LNPK: variants seen among roughly 807,000 people sequenced by gnomAD.
LNPK encodes endoplasmic reticulum junction formation protein lunapark.
Under a neutral mutation model 55.2 loss-of-function variants are expected in LNPK, and 29 were observed. That is an observed-to-expected ratio of 0.53 (90% CI 0.39 to 0.72). The LOEUF is 0.72. LNPK is among the 30% of genes least tolerant of loss of function. The pLI is 0.00. For missense variants in LNPK, 467 were observed against 494.8 expected (o/e 0.94, Z 0.53); for synonymous variants, 162 against 168.2 (o/e 0.96, Z 0.29).
chr2:175,979,490 G>A (rs1051341040), intron 5 of LNPK, among the ~76,000 whole-genome samples: 16 of 151,988 alleles, frequency 1.1e-4, no homozygotes, highest in Non-Finnish European at 2.1e-4. Flanking sequence ...CCTGGGAGGC[G>A]GAGGTTGCAG....
At position 175,947,507 on chromosome 2, in the gene LNPK, A is replaced by T. The variant is rs781121123; in HGVS notation, c.679T>A (p.Ser227Thr). 4.3e-6 allele frequency: 7 copies of T among 1,613,636 alleles called. No homozygotes were observed. In the East Asian group the frequency reaches 1.3e-4, roughly 31 times the overall value. ...ATTCCAGGCACTGAAGTAGCAGGGG[A>T]TCCAAGATGTCTTGGTAACACATTT... ...SSNVLPRHLG[S>T]PATSVPGMGL... The change falls in exon 9 of 13, where the codon TCC becomes ACC. Residue 227 changes from serine (S) to threonine (T), a missense_variant. Physicochemically the swap from Ser to Thr is moderately conservative, Grantham distance 58. Transcript: ENST00000272748.
At chr2:175,975,720 G>T (rs528200685) in intron 5 of LNPK, among the ~76,000 whole-genome samples, 1 of 152,264 alleles carries the variant, frequency 6.6e-6, no homozygotes, top group African/African-American at 2.4e-5. Context: ...TTAAGAAACT[G>T]TAAGGTCCAG....
intron 4 of LNPK, among the ~76,000 whole-genome samples, chr2:175,985,687 T>C (rs1424517400): frequency 1.3e-5 from 2 of 152,212 alleles, no homozygotes; most frequent in Non-Finnish European, 2.9e-5. Context: ...CTAAGTTTTT[T>C]CCTATAAATA....
At chr2:175,952,699 A>AC (rs928918041) in intron 8 of LNPK, among the ~76,000 whole-genome samples, 2 of 151,756 alleles carry the variant, frequency 1.3e-5, no homozygotes, top group African/African-American at 4.8e-5. Context: ...TTTTTGAAAA[A>AC]CAAAAAAAAA....
intron 1 of LNPK, among the ~76,000 whole-genome samples, chr2:175,997,935 T>G (rs1371862409): frequency 6.6e-6 from 1 of 150,528 alleles, no homozygotes; most frequent in Non-Finnish European, 1.5e-5. Flanking sequence ...GAGACAGGAA[T>G]TTCACCTCGT....
intron 4 of LNPK, among the ~76,000 whole-genome samples, chr2:175,980,401 A>G (rs975681138): frequency 1.3e-5 from 2 of 152,226 alleles, no homozygotes; most frequent in African/African-American, 4.8e-5. Context: ...CTTACCTTCA[A>G]ATAAATACTT....
At chr2:175,934,353 AAAATC>A (rs941072828) in intron 12 of LNPK, among the ~76,000 whole-genome samples, 2 of 152,206 alleles carry the variant, frequency 1.3e-5, no homozygotes, top group African/African-American at 4.8e-5. Flanking sequence ...GAGAAGGACT[AAAATC>A]ATATTATCAA....
At chr2:175,937,207 G>T in intron 12 of LNPK, 137 bp downstream of exon 12, 2 of 747,752 alleles carry the variant, frequency 2.7e-6, no homozygotes, top group Admixed American at 2.9e-5. Flanking sequence ...AGGAGGCTAT[G>T]GTAACAGAGC....
At chr2:175,964,307 T>C in intron 8 of LNPK, 65 bp downstream of exon 8, 4 of 1,356,824 alleles carry the variant, frequency 2.9e-6, no homozygotes, top group African/African-American at 1.4e-5. Flanking sequence ...CAACACACTT[T>C]TGAACTCACT....
Position 175,932,242 on chromosome 2 carries a change from A to G in LNPK, c.1055-2043T>C, listed in dbSNP as rs1684311774. On this transcript the variant is annotated intron_variant, in intron 12 of 12. Transcript: ENST00000272748. The stretch of plus-strand genomic sequence containing the variant: ...GTTACTATTTTCAAAAATAGACTTT[A>G]CTAGTCAAAGCCGATTTAATGTACA... 5 of 450,280 alleles carry G rather than the reference A, an allele frequency of 1.1e-5. No individual in the cohort carries two copies. The Admixed American group carries it at 1.2e-4, about 11-fold the overall frequency. The allele number at this position is 450,280 out of a possible 1,614,324, so 27.9% of individuals were successfully genotyped here.
Position 175,937,392 on chromosome 2 carries a change from G to T in LNPK, c.1006C>A (p.Pro336Thr), listed in dbSNP as rs201325808. The change falls in exon 12 of 13, where the codon CCC (proline) becomes ACC (threonine). Residue 336 changes from proline to threonine, a missense_variant. By Grantham distance (38) the Pro-to-Thr change is conservative. Transcript: ENST00000272748. ...QVVEGSSSVG[P>T]LPSGSVLSSD... ...GAAAGCACACTTCCTGATGGCAAGG[G>T]ACCAACTGAACTTGAACCTTCCACC... 1.9e-6 allele frequency: 3 copies of T among 1,613,640 alleles called. No homozygotes were observed. The highest frequency in any genetic ancestry group is 4.5e-5 in the East Asian group (2 of 44,842).
In LNPK at chr2:175,951,607, A is replaced by ATATATATATATATATATATATATC. The variant is rs972901665; in HGVS notation, c.494-3916_494-3915insGATATATATATATATATATATATA. 8.2e-4 allele frequency among the ~76,000 whole-genome samples: 100 copies of ATATATATATATATATATATATATC among 121,644 alleles called. 2 individuals carry two copies. Among genetic ancestry groups the ATATATATATATATATATATATATC allele is most frequent in the Middle Eastern group, 3.9e-3 (1 of 254 alleles). 79.8% of individuals were successfully genotyped at this position (121,644 alleles called of 152,430 possible). A position where few individuals can be genotyped will look rare whatever the true frequency, so the allele number is the denominator to read the frequency against. ...TTCATATATATATATATATATATAT[A>ATATATATATATATATATATATATC]TATCTCAGTTTCTTTATCCACTCAT... On this transcript the variant is annotated intron_variant, in intron 8 of 12. Coordinates refer to ENST00000272748, the MANE Select transcript of LNPK (RefSeq NM_030650.3).
chr2:175,989,770 G>A (rs1271269886), intron 4 of LNPK, among the ~76,000 whole-genome samples: 2 of 152,082 alleles, frequency 1.3e-5, no homozygotes, highest in East Asian at 3.9e-4. Flanking sequence ...ATATACTATT[G>A]AATCTGAAAG....
rs1684186708 is a variant in LNPK at position 175,929,994 on chromosome 2, T to C, written c.1260A>G (p.Leu420=). 2 of 1,614,050 alleles carry C rather than the reference T, an allele frequency of 1.2e-6. No individual in the cohort carries two copies. Among genetic ancestry groups the C allele is most frequent in the Non-Finnish European group, 1.7e-6 (2 of 1,179,932 alleles). The change falls in exon 13 of 13, where the codon CTA becomes CTG. Residue 420 remains leucine (L), a synonymous_variant. Coordinates refer to ENST00000272748, the MANE Select transcript of LNPK (RefSeq NM_030650.3). Reference sequence around the variant, plus strand: ...ACTCTGCCGTCAAAGATTCTCCACTTAGTTCAGGATCAGGAATAGAATCAG... The same window carrying C: ...ACTCTGCCGTCAAAGATTCTCCACTCAGTTCAGGATCAGGAATAGAATCAG... ...PGADSIPDPE[L]SGESLTAE
At chr2:175,964,067 C>T (rs1278027150) in intron 8 of LNPK, among the ~76,000 whole-genome samples, 2 of 151,856 alleles carry the variant, frequency 1.3e-5, no homozygotes, top group Non-Finnish European at 2.9e-5. Flanking sequence ...TTCCAAGAGA[C>T]TATTATTTGA....
intron 5 of LNPK, among the ~76,000 whole-genome samples, chr2:175,975,009 T>C (rs530589235): frequency 1.5e-4 from 18 of 119,550 alleles, no homozygotes; most frequent in African/African-American, 5.6e-4. Context: ...AAAGGTTTCT[T>C]ATTTTTTTTT....
rs148564768 is a variant in LNPK at position 175,964,808 on chromosome 2, C to T, written c.358-219G>A. ...TACTGCAAGGAAATACCAAATATTG[C>T]TAATTGTTTACATATAATGAGGAGA... is the stretch of plus-strand genomic sequence containing the variant. On this transcript the variant is annotated intron_variant, in intron 6 of 12. Transcript: ENST00000272748. 1.0e-3 allele frequency among the ~76,000 whole-genome samples: 159 copies of T among 152,212 alleles called. 1 individual carries two copies. The highest frequency in any genetic ancestry group is 3.4e-3 in the African/African-American group (142 of 41,542).
Position 175,975,014 on chromosome 2 carries a change from T to A in LNPK, c.317-4210A>T, listed in dbSNP as rs1020687422. Reference sequence around the variant, plus strand: ...GACTCTTGAAAAAGGTTTCTTATTTTTTTTTTTTTTTTTACTATCTTGCTA... The same window carrying A: ...GACTCTTGAAAAAGGTTTCTTATTTATTTTTTTTTTTTTACTATCTTGCTA... On this transcript the variant is annotated intron_variant, in intron 5 of 12. Transcript: ENST00000272748. 2.8e-3 allele frequency among the ~76,000 whole-genome samples: 422 copies of A among 150,772 alleles called. 1 individual carries two copies. Among genetic ancestry groups the A allele is most frequent in the Non-Finnish European group, 4.7e-3 (319 of 67,666 alleles).
At chr2:175,951,696 G>C (rs1275266447) in intron 8 of LNPK, among the ~76,000 whole-genome samples, 5 of 150,506 alleles carry the variant, frequency 3.3e-5, no homozygotes, top group Non-Finnish European at 7.4e-5. Context: ...CTATAAACAT[G>C]TATGTGCAAG....
Sources: gnomAD v4.1 joint callset for allele counts (sites outside exome capture counted in the v4.1 genomes callset) on GRCh38, gnomAD v4.1.1 for gene constraint, MANE v1.5 for transcripts, NCBI Gene and HGNC (gene_info 2026-07-23, HGNC 2026-07-21) for gene names.